Variants in LRBA observed in about 807,000 individuals in gnomAD.
LRBA encodes LPS responsive beige-like anchor protein.
In LRBA, 176 loss-of-function variants were observed where a neutral mutation model predicts 330.0. That is an observed-to-expected ratio of 0.53 (90% confidence interval 0.47 to 0.60). The LOEUF (loss-of-function observed/expected upper bound fraction) is 0.60, where lower values mean the gene tolerates loss of function less well. LRBA is among the 20% of genes least tolerant of loss of function. The pLI is 0.00. For missense variants in LRBA, 3,259 were observed against 3,444.8 expected (o/e 0.95, Z 1.35); for synonymous variants, 1,230 against 1,193.0 (o/e 1.03, Z -0.64).
chr4:150,399,800 C>T (rs1383352802), intron 47 of LRBA, among the ~76,000 whole-genome samples: 4 of 152,048 alleles, frequency 2.6e-5, no homozygotes, highest in African/African-American at 9.7e-5. Flanking sequence ...GGTGAAACCC[C>T]GTCTCTACTA....
chr4:150,906,301 T>C lies in LRBA; in HGVS notation c.1598A>G (p.Glu533Gly), dbSNP rs1731331540. The change falls in exon 12 of 57, where the codon GAA (glutamate) becomes GGA (glycine). Residue 533 changes from glutamate (E) to glycine (G), a missense_variant. By Grantham distance (98) the Glu-to-Gly change is moderately conservative. Coordinates refer to ENST00000651943, the MANE Select transcript of LRBA (RefSeq NM_001364905.1). Reference protein sequence around the residue: ...KGFLVIGYSLEKSSKSHVSRA... With the variant: ...KGFLVIGYSLGKSSKSHVSRA... The stretch of plus-strand genomic sequence containing the variant: ...ATAAAATATTTCATACTTTACCTTT[T>C]CAAGGCTATATCCTATTACCAAGAA... The C allele has an allele frequency of 6.4e-7, 1 of 1,574,346 alleles. No homozygotes were observed. The highest frequency in any genetic ancestry group is 8.7e-7 in the Non-Finnish European group (1 of 1,146,888).
chr4:150,463,247 T>C (rs1460889924), intron 44 of LRBA, among the ~76,000 whole-genome samples: 3 of 151,996 alleles, frequency 2.0e-5, no homozygotes. Flanking sequence ...ATATTAGTTG[T>C]AAGGCGGTAG....
At chr4:150,402,743 C>A (rs1441611894) in intron 47 of LRBA, among the ~76,000 whole-genome samples, 1 of 151,826 alleles carries the variant, frequency 6.6e-6, no homozygotes, top group African/African-American at 2.4e-5. Flanking sequence ...TAAAGTTTCT[C>A]TATGTTCTAA....
intron 48 of LRBA, among the ~76,000 whole-genome samples, chr4:150,332,656 A>C (rs1734136900): frequency 9.4e-5 from 1 of 10,600 alleles, no homozygotes. Context: ...TTATATTAAA[A>C]CATTTCAAAA....
At chr4:150,867,896 AG>A (rs778437940) in intron 21 of LRBA, 33 bp from the exon 22 acceptor site, 1 of 1,507,780 alleles carries the variant, frequency 6.6e-7, no homozygotes, top group Non-Finnish European at 9.0e-7. Context: ...AAATTACTGA[AG>A]AAAAAAAAAT....
intron 2 of LRBA, among the ~76,000 whole-genome samples, chr4:150,939,627 T>C (rs1735453489): frequency 6.6e-6 from 1 of 152,156 alleles, no homozygotes; most frequent in Non-Finnish European, 1.5e-5. Context: ...TCTCCCAAGG[T>C]TTATTTTTGA....
At chr4:150,512,081 A>G (rs1353414481) in intron 40 of LRBA, among the ~76,000 whole-genome samples, 1 of 152,264 alleles carries the variant, frequency 6.6e-6, no homozygotes, top group East Asian at 1.9e-4. Context: ...CAATGAATTA[A>G]TGATGAGATT....
chr4:150,725,398 G>C (rs1161589791), intron 36 of LRBA, among the ~76,000 whole-genome samples: 1 of 152,164 alleles, frequency 6.6e-6, no homozygotes, highest in Non-Finnish European at 1.5e-5. Flanking sequence ...AGACTTTTCA[G>C]CGGAAACCTT....
chr4:150,373,657 C>T (rs1297748813), intron 47 of LRBA, among the ~76,000 whole-genome samples: 1 of 152,154 alleles, frequency 6.6e-6, no homozygotes, highest in South Asian at 2.1e-4. Flanking sequence ...TCACTAACAT[C>T]ATATTTCCTT....
chr4:150,847,007 A>G (rs553724050), intron 26 of LRBA, among the ~76,000 whole-genome samples: 1 of 152,326 alleles, frequency 6.6e-6, no homozygotes, highest in East Asian at 1.9e-4. Flanking sequence ...AGGAAAGTGA[A>G]AAGCCTTCGA....
intron 11 of LRBA, among the ~76,000 whole-genome samples, chr4:150,907,539 G>A (rs1006465932): frequency 2.0e-5 from 3 of 151,824 alleles, no homozygotes; most frequent in African/African-American, 7.3e-5. Flanking sequence ...TGAAAATAAT[G>A]AGGACAATTA....
intron 40 of LRBA, among the ~76,000 whole-genome samples, chr4:150,504,022 C>G (rs1027032745): frequency 6.6e-6 from 1 of 151,918 alleles, no homozygotes; most frequent in African/African-American, 2.4e-5. Context: ...TGACACGAAG[C>G]AAGAAGAGAA....
At position 150,375,433 on chromosome 4, in the gene LRBA, A is replaced by G. The variant is rs1333882914; in HGVS notation, c.7195-25274T>C. On this transcript the variant is annotated intron_variant, in intron 47 of 56. Transcript: ENST00000651943. ...GCTGAAGCATATTTTTAACCATCCA[A>G]TTCCTCTTGAAACAGTCTCTCTACT... Among the ~76,000 whole-genome samples, 5 of 152,038 alleles carry G rather than the reference A, an allele frequency of 3.3e-5. No individual in the cohort carries two copies. The East Asian group carries it at 5.8e-4, about 18-fold the overall frequency.
intron 37 of LRBA, among the ~76,000 whole-genome samples, chr4:150,639,736 AATATATATATATATATATATATAT>A (rs1212252752): frequency 2.0e-5 from 1 of 51,150 alleles, no homozygotes; most frequent in Admixed American, 2.5e-4. Context: ...CTATGCCCCA[AATATATATATATATATATATATAT>A]ATATATATAT....
chr4:150,537,514 C>G (rs1399581705), intron 40 of LRBA, among the ~76,000 whole-genome samples: 1 of 152,072 alleles, frequency 6.6e-6, no homozygotes, highest in African/African-American at 2.4e-5. Flanking sequence ...CTTCTGCACA[C>G]CAAAAGAAAC....
At chr4:150,538,179 C>T (rs956272287) in intron 40 of LRBA, among the ~76,000 whole-genome samples, 3 of 152,194 alleles carry the variant, frequency 2.0e-5, no homozygotes, top group Admixed American at 2.0e-4. Context: ...CTTTTATACA[C>T]TGTTGGTGGA....
At chr4:150,495,117 C>A (rs1025447156) in intron 40 of LRBA, among the ~76,000 whole-genome samples, 1 of 152,114 alleles carries the variant, frequency 6.6e-6, no homozygotes, top group Non-Finnish European at 1.5e-5. Flanking sequence ...AAATGCATTA[C>A]AGACAGTGTT....
intron 31 of LRBA, among the ~76,000 whole-genome samples, chr4:150,815,662 C>T (rs1434249096): frequency 6.6e-6 from 1 of 151,764 alleles, no homozygotes; most frequent in Non-Finnish European, 1.5e-5. Flanking sequence ...ACTATTTTTC[C>T]TAAGAATAAA....
At chr4:150,794,231 A>G (rs1480113634) in intron 34 of LRBA, among the ~76,000 whole-genome samples, 1 of 152,180 alleles carries the variant, frequency 6.6e-6, no homozygotes, top group Non-Finnish European at 1.5e-5. Context: ...AGGTTCAGGC[A>G]TTAAGAGAGA....
Sources: allele counts gnomAD v4.1 joint callset (sites outside exome capture counted in the v4.1 genomes callset), GRCh38; gene constraint gnomAD v4.1.1; transcripts MANE v1.5; gene names NCBI Gene and HGNC (gene_info 2026-07-23, HGNC 2026-07-21).